The following PRIM2 variants were observed in gnomAD, a reference collection of about 807,000 sequenced individuals.
The protein encoded by PRIM2 is DNA primase large subunit.
Under a neutral mutation model 67.3 loss-of-function variants are expected in PRIM2, and 39 were observed. The observed-to-expected ratio is 0.58, with a 90% CI of 0.45 to 0.76. The LOEUF is 0.76. Ranked by LOEUF, PRIM2 falls within the 30% of genes least tolerant of loss-of-function variation. PRIM2 has a pLI of 0.00. For missense variants in PRIM2, 398 were observed against 598.7 expected (o/e 0.66, Z 3.50); for synonymous variants, 143 against 198.7 (o/e 0.72, Z 2.36).
At chr6:57,275,129 G>A in the PRIM2 span, among the ~76,000 whole-genome samples, 1 of 152,008 alleles carries the variant, frequency 6.6e-6, no homozygotes, top group Admixed American at 6.6e-5. Flanking sequence ...ATAAGATGTA[G>A]ATCAAAAATT....
At chr6:57,516,646 T>A (rs1177581453) in intron 8 of PRIM2, among the ~76,000 whole-genome samples, 1 of 152,184 alleles carries the variant, frequency 6.6e-6, no homozygotes, top group African/African-American at 2.4e-5. Context: ...GTAATGAGGT[T>A]ACATTATAGT....
At chr6:57,353,539 C>T (rs569812447) in intron 5 of PRIM2, among the ~76,000 whole-genome samples, 114 of 152,262 alleles carry the variant, frequency 7.5e-4, no homozygotes, top group African/African-American at 2.6e-3. Context: ...ATTTACCACT[C>T]CTCTTGAGAC....
chr6:57,610,596 C>T (rs1191512945), intron 12 of PRIM2, among the ~76,000 whole-genome samples: 7 of 151,550 alleles, frequency 4.6e-5, no homozygotes, highest in African/African-American at 1.7e-4. Flanking sequence ...AAATGGGTAC[C>T]CCTGCATTTA....
At chr6:57,301,448 T>G in the PRIM2 span, among the ~76,000 whole-genome samples, 1 of 152,082 alleles carries the variant, frequency 6.6e-6, no homozygotes, top group Non-Finnish European at 1.5e-5. Flanking sequence ...GATCACACCA[T>G]TGCACTCCAG....
chr6:57,639,755 A>C (rs1279525715), intron 13 of PRIM2, among the ~76,000 whole-genome samples: 3 of 151,710 alleles, frequency 2.0e-5, no homozygotes, highest in Non-Finnish European at 4.4e-5. Context: ...ATCAACCAAA[A>C]AAAAAAAGCC....
At chr6:57,307,810 C>T in the PRIM2 span, among the ~76,000 whole-genome samples, 1 of 152,112 alleles carries the variant, frequency 6.6e-6, no homozygotes, top group African/African-American at 2.4e-5. Context: ...TTCTCTTCTT[C>T]CTATTTCCTT....
chr6:57,272,593 G>A, the PRIM2 span, among the ~76,000 whole-genome samples: 1 of 152,154 alleles, frequency 6.6e-6, no homozygotes, highest in Non-Finnish European at 1.5e-5. Flanking sequence ...TTGCCAGTCT[G>A]TGTCTTTTAA....
chr6:57,594,141 G>T (rs1776327216), intron 10 of PRIM2, among the ~76,000 whole-genome samples: 1 of 152,194 alleles, frequency 6.6e-6, no homozygotes, highest in Non-Finnish European at 1.5e-5. Context: ...GTTTTCACCA[G>T]TGAAATTAAT....
At chr6:57,573,620 TTATA>T (rs1341298969) in intron 10 of PRIM2, among the ~76,000 whole-genome samples, 1 of 152,186 alleles carries the variant, frequency 6.6e-6, no homozygotes, top group African/African-American at 2.4e-5. Context: ...CTTTTAAAGA[TTATA>T]TATACGTGTG....
chr6:57,534,319 A>G (rs1774954744), intron 9 of PRIM2, among the ~76,000 whole-genome samples: 1 of 151,528 alleles, frequency 6.6e-6, no homozygotes, highest in Admixed American at 6.6e-5. Flanking sequence ...CTCCCCCCAC[A>G]CCTGTATTCG....
rs1581790116 is a variant in PRIM2 at position 57,324,094 on chromosome 6, A to T, written c.259-107A>T. 6.3e-6 allele frequency: 4 copies of T among 635,060 alleles called. No homozygotes were observed. In the East Asian group the frequency reaches 1.1e-4, roughly 18 times the overall value. 39.3% of individuals were successfully genotyped at this position (635,060 alleles called of 1,614,324 possible). A position where few individuals can be genotyped will look rare whatever the true frequency, so the allele number is the denominator to read the frequency against. ...GCAAGACCCCATCTCTAAAAAAAGA[A>T]ATGTTTTTGAAACTTACTTTACCAT... On this transcript the variant is annotated intron_variant, in intron 3 of 13. Transcript: ENST00000615550.
chr6:57,268,578 G>A, the PRIM2 span, among the ~76,000 whole-genome samples: 18 of 151,920 alleles, frequency 1.2e-4, no homozygotes, highest in Middle Eastern at 3.4e-3. Flanking sequence ...GGCATTACAA[G>A]GATATATATG....
At chr6:57,392,621 G>A (rs1466661405) in intron 7 of PRIM2, among the ~76,000 whole-genome samples, 6 of 151,634 alleles carry the variant, frequency 4.0e-5, no homozygotes, top group Admixed American at 3.9e-4. Flanking sequence ...GCCTAGAGAG[G>A]GAGAAGGAAA....
the PRIM2 span, among the ~76,000 whole-genome samples, chr6:57,294,967 C>T: frequency 6.6e-6 from 1 of 151,996 alleles, no homozygotes; most frequent in South Asian, 2.1e-4. Flanking sequence ...TGCTGCCATG[C>T]CTAACTAATT....
At chr6:57,356,931 CTT>C (rs761605036) in intron 5 of PRIM2, among the ~76,000 whole-genome samples, 13 of 120,762 alleles carry the variant, frequency 1.1e-4, no homozygotes, top group African/African-American at 1.9e-4. Context: ...CCAATCCATT[CTT>C]TTTTTTTTTT....
chr6:57,422,901 C>G (rs1771511277), intron 7 of PRIM2, among the ~76,000 whole-genome samples: 1 of 152,124 alleles, frequency 6.6e-6, no homozygotes, highest in African/African-American at 2.4e-5. Flanking sequence ...TGAGATGCCC[C>G]ATTTACTTGA....
chr6:57,372,631 T>C (rs529329316), intron 5 of PRIM2, among the ~76,000 whole-genome samples: 1 of 152,158 alleles, frequency 6.6e-6, no homozygotes, highest in Non-Finnish European at 1.5e-5. Flanking sequence ...AAAGGCCCAG[T>C]GTGTGTTTTT....
At chr6:57,322,328 C>T (rs1741913) in intron 3 of PRIM2, among the ~76,000 whole-genome samples, 26,062 of 151,866 alleles carry the variant, frequency 0.17, 2,408 homozygotes, top group Non-Finnish European at 0.19. Flanking sequence ...AAATGGGTTG[C>T]GGGGTTTAGG....
chr6:57,321,916 A>G lies in PRIM2; in HGVS notation c.258+1356A>G, dbSNP rs79779503. Among the ~76,000 whole-genome samples the G allele has an allele frequency of 3.8e-3, 585 of 152,258 alleles. 6 individuals carry two copies. The highest frequency in any genetic ancestry group is 0.03 in the East Asian group (155 of 5,180). On this transcript the variant is annotated intron_variant, in intron 3 of 13. Transcript: ENST00000615550. ...TTGAATCTGGGTATTTTGTTTCTGT[A>G]GTGGTGCTTTTAACCACAATAGTTT...
Sources: allele counts gnomAD v4.1 joint callset (sites outside exome capture counted in the v4.1 genomes callset), GRCh38; gene constraint gnomAD v4.1.1; transcripts MANE v1.5; gene names NCBI Gene and HGNC (gene_info 2026-07-23, HGNC 2026-07-21).